Variants in CACNA1C observed in about 807,000 individuals in gnomAD.
CACNA1C encodes voltage-dependent L-type calcium channel subunit alpha-1C.
CACNA1C carries 30 observed loss-of-function variants against 229.0 expected under a neutral mutation model. The ratio of observed to expected loss-of-function variants is 0.13; its 90% confidence interval spans 0.10 to 0.18. The LOEUF is 0.18. Among genes scored for constraint, CACNA1C ranks in the 10% least tolerant of loss-of-function variants. The pLI, the probability that CACNA1C is intolerant of heterozygous loss-of-function variation, is 1.00. For missense variants in CACNA1C, 1,658 were observed against 2,845.0 expected (o/e 0.58, Z 9.49); for synonymous variants, 1,114 against 1,132.5 (o/e 0.98, Z 0.33).
intron 11 of CACNA1C, among the ~76,000 whole-genome samples, chr12:2,565,445 G>A (rs1443217770): frequency 6.8e-6 from 1 of 147,896 alleles, no homozygotes; most frequent in Admixed American, 6.7e-5. Flanking sequence ...CCGCAGTCCG[G>A]CCTGGGCGAC....
At chr12:2,353,665 T>C (rs2097271433) in intron 3 of CACNA1C, among the ~76,000 whole-genome samples, 1 of 151,914 alleles carries the variant, frequency 6.6e-6, no homozygotes, top group Non-Finnish European at 1.5e-5. Context: ...AATACTCCAG[T>C]TTGGAGGGCT....
intron 38 of CACNA1C, among the ~76,000 whole-genome samples, chr12:2,670,523 A>C (rs2096502455): frequency 6.6e-6 from 1 of 152,214 alleles, no homozygotes; most frequent in Non-Finnish European, 1.5e-5. Flanking sequence ...AACAAGAACC[A>C]GTCCACCAAG....
At chr12:2,190,113 T>C (rs1185966535) in intron 3 of CACNA1C, among the ~76,000 whole-genome samples, 3 of 152,222 alleles carry the variant, frequency 2.0e-5, no homozygotes, top group Non-Finnish European at 2.9e-5. Context: ...TTAAAATTTA[T>C]TGGAAGGAGG....
At chr12:2,009,936 T>C (rs1254381774) in intron 1 of CACNA1C, among the ~76,000 whole-genome samples, 1 of 152,050 alleles carries the variant, frequency 6.6e-6, no homozygotes, top group African/African-American at 2.4e-5. Flanking sequence ...AGTGAGAAAA[T>C]GTACCAGAAA....
intron 7 of CACNA1C, among the ~76,000 whole-genome samples, chr12:2,502,444 A>G (rs1279616588): frequency 6.6e-6 from 1 of 152,246 alleles, no homozygotes; most frequent in Non-Finnish European, 1.5e-5. Context: ...ACCAAGTGAG[A>G]AGTGCTCTGG....
chr12:2,417,344 G>A (rs550763718), intron 3 of CACNA1C, among the ~76,000 whole-genome samples: 17 of 152,344 alleles, frequency 1.1e-4, no homozygotes, highest in Admixed American at 2.0e-4. Context: ...GGGCCTGCAC[G>A]GTAGTGGCTA....
intron 1 of CACNA1C, among the ~76,000 whole-genome samples, chr12:2,107,440 G>A (rs1201258111): frequency 6.6e-5 from 4 of 60,220 alleles, no homozygotes; most frequent in Admixed American, 4.9e-4. Context: ...CCTCAGCTGG[G>A]GTGTGCTGAA....
intron 3 of CACNA1C, among the ~76,000 whole-genome samples, chr12:2,176,964 C>T (rs946127394): frequency 1.3e-5 from 2 of 152,176 alleles, no homozygotes; most frequent in Non-Finnish European, 2.9e-5. Flanking sequence ...GTGGTGGGAT[C>T]GGCCATCAGT....
chr12:2,461,786 C>T (rs2099505139), intron 5 of CACNA1C, among the ~76,000 whole-genome samples: 1 of 152,158 alleles, frequency 6.6e-6, no homozygotes, highest in Admixed American at 6.5e-5. Context: ...CTTTACCTTC[C>T]AAACATGTCA....
intron 3 of CACNA1C, among the ~76,000 whole-genome samples, chr12:2,168,323 G>T (rs1441576753): frequency 6.6e-6 from 1 of 152,180 alleles, no homozygotes; most frequent in East Asian, 1.9e-4. Flanking sequence ...TGGGGAAACA[G>T]AATTCAGTTT....
In CACNA1C at chr12:2,654,050, A is replaced by G; in HGVS notation, c.4140+150A>G. 1.5e-6 allele frequency: 1 copy of G among 668,296 alleles called. No individual in the cohort carries two copies. The highest frequency in any genetic ancestry group is 2.6e-6 in the Non-Finnish European group (1 of 383,728). The allele number at this position is 668,296 out of a possible 1,614,324, so 41.4% of individuals were successfully genotyped here. ...CCTCTTCCATTTTCTGAGGCCCAAA[A>G]AGCCACAGGAATTGGAACTTTCCCC... On this transcript the variant is annotated intron_variant, in intron 33 of 46. Transcript: ENST00000399655. The surrounding 1 kb of genome is among the most constrained non-coding windows in gnomAD (Gnocchi z 4.4).
intron 10 of CACNA1C, 58 bp from the exon 11 acceptor site, chr12:2,556,893 G>A (rs375649277): frequency 1.6e-5 from 23 of 1,464,216 alleles, no homozygotes; most frequent in South Asian, 1.4e-4. Context: ...ACTGTTGACC[G>A]TCTTTTAAAT....
chr12:2,626,143 C>T lies in CACNA1C; in HGVS notation c.3829-8154C>T, dbSNP rs1489180566. On this transcript the variant is annotated intron_variant, in intron 29 of 46. Coordinates refer to ENST00000399655, the MANE Select transcript of CACNA1C (RefSeq NM_000719.7). ...GTTCAAGAGTGTGGGTGCAGGTTGC[C>T]GGCCAGATGCCCTGGCCATGCCTGG... Among the ~76,000 whole-genome samples, 6 of 152,182 alleles carry T rather than the reference C, an allele frequency of 3.9e-5. No homozygotes were observed. The East Asian group carries it at 5.8e-4, about 15-fold the overall frequency.
At chr12:2,230,414 C>G (rs556199254) in intron 3 of CACNA1C, among the ~76,000 whole-genome samples, 35 of 152,340 alleles carry the variant, frequency 2.3e-4, no homozygotes, top group African/African-American at 8.4e-4. Context: ...CCTGGAAGCA[C>G]AGTCAGCCCT....
chr12:2,058,740 A>G (rs756939443), intron 1 of CACNA1C, among the ~76,000 whole-genome samples: 11 of 152,234 alleles, frequency 7.2e-5, no homozygotes, highest in South Asian at 2.1e-4. Flanking sequence ...GGAAAATGGA[A>G]TGGAATGTTT....
intron 3 of CACNA1C, among the ~76,000 whole-genome samples, chr12:2,384,187 C>T (rs1228496788): frequency 6.6e-6 from 1 of 152,254 alleles, no homozygotes; most frequent in Non-Finnish European, 1.5e-5. Context: ...GCAGGTGACT[C>T]ATCTGCATGC....
chr12:2,542,398 C>G (rs1599459125), intron 9 of CACNA1C, among the ~76,000 whole-genome samples: 1 of 150,210 alleles, frequency 6.7e-6, no homozygotes, highest in Admixed American at 6.6e-5. Context: ...ATTCGTTTTA[C>G]AGAGAGCTCA....
At position 2,486,879 on chromosome 12, in the gene CACNA1C, G is replaced by T. The variant is rs1460199252; in HGVS notation, c.916+617G>T. ...CAAACTTCCTCCCTTCAAGGAGAAGGCTTAGTTCTACCCCATGACTCCCAG... is the reference window on the plus strand; with the variant it reads ...CAAACTTCCTCCCTTCAAGGAGAAGTCTTAGTTCTACCCCATGACTCCCAG... On this transcript the variant is annotated intron_variant, in intron 6 of 46. Coordinates refer to ENST00000399655, the MANE Select transcript of CACNA1C (RefSeq NM_000719.7). This position sits in a 1 kb window ranked among gnomAD's most constrained non-coding sequence, Gnocchi z 4.9. 6.6e-6 allele frequency among the ~76,000 whole-genome samples: 1 copy of T among 152,166 alleles called. No homozygotes were observed. The highest frequency in any genetic ancestry group is 2.4e-5 in the African/African-American group (1 of 41,454).
At position 2,585,688 on chromosome 12, in the gene CACNA1C, T is replaced by G; in HGVS notation, c.2461-147T>G. The G allele has an allele frequency of 1.2e-6, 1 of 863,320 alleles. No homozygotes were observed. Among genetic ancestry groups the G allele is most frequent in the Non-Finnish European group, 1.9e-6 (1 of 531,600 alleles). The allele number at this position is 863,320 out of a possible 1,614,324, so 53.5% of individuals were successfully genotyped here. On this transcript the variant is annotated intron_variant, in intron 17 of 46. Transcript: ENST00000399655. This position sits in a 1 kb window ranked among gnomAD's most constrained non-coding sequence, Gnocchi z 4.1. ...GATTGGCTGGATCCCAGCCATCTGC[T>G]GATGTCTTGAAGGAGATATGCAAAG...
Sources: allele counts gnomAD v4.1 joint callset (sites outside exome capture counted in the v4.1 genomes callset), GRCh38; gene constraint gnomAD v4.1.1; non-coding constraint Gnocchi (gnomAD v3.1); transcripts MANE v1.5; gene names NCBI Gene and HGNC (gene_info 2026-07-23, HGNC 2026-07-21).